Variants in HCN1 observed in about 807,000 individuals in gnomAD.
The protein encoded by HCN1 is hyperpolarization activated cyclic nucleotide gated potassium channel 1.
HCN1 carries 13 observed loss-of-function variants against 78.9 expected under a neutral mutation model. That is an observed-to-expected ratio of 0.16 (90% CI 0.11 to 0.26). The LOEUF (loss-of-function observed/expected upper bound fraction) is 0.26, where lower values mean the gene tolerates loss of function less well. Ranked by LOEUF, HCN1 falls within the 10% of genes least tolerant of loss-of-function variation. The pLI, the probability that HCN1 is intolerant of heterozygous loss-of-function variation, is 1.00. For missense variants in HCN1, 810 were observed against 1,154.3 expected, an observed-to-expected ratio of 0.70 and a Z score of 4.32; for synonymous variants, 552 against 455.5, an observed-to-expected ratio of 1.21 and a Z score of -2.70.
At chr5:45,433,166 C>T (rs1003942265) in intron 3 of HCN1, among the ~76,000 whole-genome samples, 18 of 151,936 alleles carry the variant, frequency 1.2e-4, no homozygotes, top group Admixed American at 8.5e-4. Context: ...CAGATGGACA[C>T]GTTTGTTGAT....
In HCN1 at chr5:45,591,105, A is replaced by C. The variant is rs563555937; in HGVS notation, c.849+54080T>G. The stretch of plus-strand genomic sequence containing the variant: ...AGGCATGATTCACTGTGTTTGGCCT[A>C]GTTTCTTTTTAGTGCTGAATAATAT... On this transcript the variant is annotated intron_variant, in intron 2 of 7. Transcript: ENST00000303230. Among the ~76,000 whole-genome samples, 7 of 152,074 alleles carry C rather than the reference A, an allele frequency of 4.6e-5. No homozygotes were observed. In the South Asian group the frequency reaches 1.5e-3, roughly 32 times the overall value.
intron 4 of HCN1, among the ~76,000 whole-genome samples, chr5:45,358,737 G>A (rs1205542136): frequency 1.3e-5 from 2 of 152,106 alleles, no homozygotes; most frequent in Non-Finnish European, 2.9e-5. Flanking sequence ...CTACAAAGGT[G>A]CCTTTTGTGG....
intron 3 of HCN1, 129 bp from the exon 4 acceptor site, chr5:45,396,839 C>A (rs574447449): frequency 2.7e-6 from 2 of 740,114 alleles, no homozygotes; most frequent in Admixed American, 2.0e-5. Context: ...GGAGCATTTA[C>A]AAATGTACTT....
chr5:45,393,215 T>C (rs998930340), intron 4 of HCN1, among the ~76,000 whole-genome samples: 1 of 152,132 alleles, frequency 6.6e-6, no homozygotes, highest in Non-Finnish European at 1.5e-5. Context: ...CCAAGGTGAG[T>C]TGCAAATCCC....
At chr5:45,692,182 A>G (rs1739927665) in intron 1 of HCN1, among the ~76,000 whole-genome samples, 1 of 152,238 alleles carries the variant, frequency 6.6e-6, no homozygotes, top group Non-Finnish European at 1.5e-5. Context: ...ATCATCCACA[A>G]AAGTATTCTA....
Position 45,573,100 on chromosome 5 carries a change from A to G in HCN1, c.849+72085T>C, listed in dbSNP as rs529492232. Among the ~76,000 whole-genome samples, 186 of 152,310 alleles carry G rather than the reference A, an allele frequency of 1.2e-3. 1 individual carries two copies. Among genetic ancestry groups the G allele is most frequent in the African/African-American group, 4.2e-3 (173 of 41,568 alleles). On this transcript the variant is annotated intron_variant, in intron 2 of 7. Transcript: ENST00000303230. ...TGATGATAGAAACTTACTTGTTTTAAGAAATTTCTATGTACATAATAGAAT... is the reference window on the plus strand; with the variant it reads ...TGATGATAGAAACTTACTTGTTTTAGGAAATTTCTATGTACATAATAGAAT...
chr5:45,651,897 G>T (rs1467665397), intron 1 of HCN1, among the ~76,000 whole-genome samples: 2 of 151,872 alleles, frequency 1.3e-5, no homozygotes, highest in Non-Finnish European at 2.9e-5. Flanking sequence ...GTGGAAATAT[G>T]CTAACTTTCT....
intron 3 of HCN1, among the ~76,000 whole-genome samples, chr5:45,425,090 G>A (rs950971979): frequency 2.6e-5 from 4 of 152,152 alleles, no homozygotes; most frequent in African/African-American, 9.7e-5. Context: ...CACTGTAACT[G>A]ACAGCAAGGG....
intron 6 of HCN1, among the ~76,000 whole-genome samples, chr5:45,271,334 A>G (rs1744955026): frequency 6.7e-6 from 1 of 149,238 alleles, no homozygotes; most frequent in Non-Finnish European, 1.5e-5. Context: ...TACAGCAGTA[A>G]TGTCTGGTTT....
rs577921572 is a variant in HCN1, at chr5:45,498,197, A to T, written c.850-36190T>A. ...GCAGAGTGTTTTCCAACTTGGTTCC[A>T]TTCTCCCCATCACTTTCAGGTACAC... On this transcript the variant is annotated intron_variant, in intron 2 of 7. Coordinates refer to ENST00000303230, the MANE Select transcript of HCN1 (RefSeq NM_021072.4). 7.9e-5 allele frequency among the ~76,000 whole-genome samples: 12 copies of T among 152,186 alleles called. No homozygotes were observed. In the East Asian group the frequency reaches 2.3e-3, roughly 29 times the overall value.
intron 2 of HCN1, among the ~76,000 whole-genome samples, chr5:45,551,388 T>C (rs75011238): frequency 0.011 from 1,698 of 151,996 alleles, 20 homozygotes; most frequent in Non-Finnish European, 0.018. Context: ...AACCTTTTTT[T>C]TTTTAGTTAC....
At chr5:45,414,096 T>C (rs1203906047) in intron 3 of HCN1, among the ~76,000 whole-genome samples, 1 of 152,050 alleles carries the variant, frequency 6.6e-6, no homozygotes, top group Non-Finnish European at 1.5e-5. Flanking sequence ...CAAATCTTTA[T>C]GGCCAATTCG....
At chr5:45,661,478 G>C (rs1311265470) in intron 1 of HCN1, among the ~76,000 whole-genome samples, 1 of 127,472 alleles carries the variant, frequency 7.8e-6, no homozygotes, top group African/African-American at 3.1e-5. Context: ...AGGAAATAGA[G>C]ACACAAAAAA....
intron 2 of HCN1, among the ~76,000 whole-genome samples, chr5:45,476,602 A>G (rs1387499867): frequency 2.0e-5 from 3 of 152,058 alleles, no homozygotes; most frequent in Non-Finnish European, 2.9e-5. Flanking sequence ...TTGGGATTGT[A>G]TTGGAAATCC....
At chr5:45,512,192 C>G (rs1239852011) in intron 2 of HCN1, among the ~76,000 whole-genome samples, 1 of 152,044 alleles carries the variant, frequency 6.6e-6, no homozygotes, top group Non-Finnish European at 1.5e-5. Context: ...GTATTTCAAT[C>G]ACATTTAATT....
intron 5 of HCN1, among the ~76,000 whole-genome samples, chr5:45,310,752 T>A (rs1579799694): frequency 6.6e-6 from 1 of 152,058 alleles, no homozygotes; most frequent in East Asian, 1.9e-4. Context: ...AGTAAAGACA[T>A]GGAATCAACC....
At chr5:45,304,280 G>A (rs1477264485) in intron 5 of HCN1, among the ~76,000 whole-genome samples, 1 of 147,014 alleles carries the variant, frequency 6.8e-6, no homozygotes, top group East Asian at 2.0e-4. Flanking sequence ...CCAGCTACCA[G>A]ACAAAAACAT....
At chr5:45,534,360 C>T (rs1742920474) in intron 2 of HCN1, among the ~76,000 whole-genome samples, 1 of 126,274 alleles carries the variant, frequency 7.9e-6, no homozygotes, top group East Asian at 2.5e-4. Context: ...CCCGCCATTG[C>T]ATTCCATGCA....
intron 6 of HCN1, among the ~76,000 whole-genome samples, chr5:45,269,393 T>G (rs1744918090): frequency 6.6e-6 from 1 of 152,218 alleles, no homozygotes; most frequent in Non-Finnish European, 1.5e-5. Flanking sequence ...TGAATTTATT[T>G]TTTCTGAACT....
Sources: gnomAD v4.1 joint callset for allele counts (sites outside exome capture counted in the v4.1 genomes callset) on GRCh38, gnomAD v4.1.1 for gene constraint, MANE v1.5 for transcripts, NCBI Gene and HGNC (gene_info 2026-07-23, HGNC 2026-07-21) for gene names.